Variants in LCK observed in about 807,000 individuals in gnomAD.
LCK encodes LCK proto-oncogene, Src family tyrosine kinase.
Under a neutral mutation model 64.6 loss-of-function variants are expected in LCK, and 14 were observed. The observed-to-expected ratio is 0.22, with a 90% CI of 0.14 to 0.34. The LOEUF is 0.34. Among genes scored for constraint, LCK ranks in the 10% least tolerant of loss-of-function variants. LCK has a pLI of 1.00. For missense variants in LCK, 434 were observed against 668.1 expected (o/e 0.65, Z 3.86); for synonymous variants, 277 against 263.6 (o/e 1.05, Z -0.49).
intron 1 of LCK, among the ~76,000 whole-genome samples, chr1:32,272,623 A>AAGAGAGAGAGAGAGAGAAAG (rs1557581382): frequency 0.015 from 1,855 of 121,406 alleles, 26 homozygotes; most frequent in African/African-American, 0.048. Context: ...GAGAGAGAGA[A>AAGAGAGAGAGAGAGAGAAAG]AGAGAGAGAG....
chr1:32,271,759 C>G (rs1014681337), intron 1 of LCK, among the ~76,000 whole-genome samples: 1 of 152,146 alleles, frequency 6.6e-6, no homozygotes, highest in South Asian at 2.1e-4. Context: ...ACTGCATGTT[C>G]CAGTTGACAT....
chr1:32,259,058 A>G (rs1240261394), intron 1 of LCK, among the ~76,000 whole-genome samples: 2 of 151,718 alleles, frequency 1.3e-5, no homozygotes, highest in African/African-American at 4.8e-5. Context: ...TTAAACAAAT[A>G]TGAAAAAGGA....
chr1:32,268,751 T>C (rs1639997331), intron 1 of LCK, among the ~76,000 whole-genome samples: 1 of 146,090 alleles, frequency 6.8e-6, no homozygotes, highest in Non-Finnish European at 1.5e-5. Flanking sequence ...AGGCAGAGGT[T>C]GCGGTGGGCC....
Position 32,276,079 on chromosome 1 carries a change from C to A in LCK, c.631+16C>A. ...CATTACACCAGTGAGCCCGACGGGACCCCTCCCCCGTGCCCTATCAGCCTA... is the reference window on the plus strand; with the variant it reads ...CATTACACCAGTGAGCCCGACGGGAACCCTCCCCCGTGCCCTATCAGCCTA... On this transcript the variant is annotated intron_variant, in intron 7 of 12. Coordinates refer to ENST00000336890, the MANE Select transcript of LCK (RefSeq NM_005356.5). The surrounding 1 kb of genome is among the most constrained non-coding windows in gnomAD (Gnocchi z 4.6). 6.2e-7 allele frequency: 1 copy of A among 1,613,484 alleles called. No individual in the cohort carries two copies. The highest frequency in any genetic ancestry group is 8.5e-7 in the Non-Finnish European group (1 of 1,179,862).
Position 32,275,289 on chromosome 1 carries a change from G to A in LCK, c.279-32G>A. 1 of 1,608,672 alleles carries A rather than the reference G, an allele frequency of 6.2e-7. No homozygotes were observed. The highest frequency in any genetic ancestry group is 8.5e-7 in the Non-Finnish European group (1 of 1,175,168). ...GGGAGGGTCTCAGGTCGACGGCTGA[G>A]CGAGCCACACTGACCCACCTCCGTG... On this transcript the variant is annotated intron_variant, in intron 4 of 12. Coordinates refer to ENST00000336890, the MANE Select transcript of LCK (RefSeq NM_005356.5). The surrounding 1 kb of genome is among the most constrained non-coding windows in gnomAD (Gnocchi z 6.9).
chr1:32,276,939 G>A lies in LCK; in HGVS notation c.964+153G>A, dbSNP rs536548237. ...CCTGGAGACTCACCTCCAGCCGGGCGCGGTGGCTCAGGCCTGTAATCCCAG... is the reference window on the plus strand; with the variant it reads ...CCTGGAGACTCACCTCCAGCCGGGCACGGTGGCTCAGGCCTGTAATCCCAG... On this transcript the variant is annotated intron_variant, in intron 9 of 12. Coordinates refer to ENST00000336890, the MANE Select transcript of LCK (RefSeq NM_005356.5). The surrounding 1 kb of genome is among the most constrained non-coding windows in gnomAD (Gnocchi z 4.6). 46 of 781,002 alleles carry A rather than the reference G, an allele frequency of 5.9e-5. No homozygotes were observed. The South Asian group carries it at 8.9e-4, about 15-fold the overall frequency. The allele number at this position is 781,002 out of a possible 1,614,324, so 48.4% of individuals were successfully genotyped here. A position where few individuals can be genotyped will look rare whatever the true frequency, so the allele number is the denominator to read the frequency against.
chr1:32,276,583 C>T lies in LCK; in HGVS notation c.785-24C>T. On this transcript the variant is annotated intron_variant, in intron 8 of 12. Coordinates refer to ENST00000336890, the MANE Select transcript of LCK (RefSeq NM_005356.5). The surrounding 1 kb of genome is among the most constrained non-coding windows in gnomAD (Gnocchi z 4.6). ...CAGGACAGCTGCCTGGCGACTTTCC[C>T]ACTCCTTCCCTTCCCCGACCCAGGG... 1 of 1,590,850 alleles carries T rather than the reference C, an allele frequency of 6.3e-7. No individual in the cohort carries two copies. The highest frequency in any genetic ancestry group is 8.6e-7 in the Non-Finnish European group (1 of 1,165,246).
At position 32,286,084 on chromosome 1, in the gene LCK, C is replaced by T. The variant is rs1640606529; in HGVS notation, c.*368C>T. 2.8e-6 allele frequency: 1 copy of T among 355,500 alleles called. No homozygotes were observed. The highest frequency in any genetic ancestry group is 4.0e-5 in the Admixed American group (1 of 24,998). 22.0% of individuals were successfully genotyped at this position (355,500 alleles called of 1,614,324 possible). On this transcript the variant is annotated 3_prime_UTR_variant, in exon 13 of 13. Coordinates refer to ENST00000336890, the MANE Select transcript of LCK (RefSeq NM_005356.5). ...AGTTCCTCAAGGGCCAGGACTTTAT[C>T]TAATACCTCTGTGTGCTCCTCCTTG...
intron 1 of LCK, among the ~76,000 whole-genome samples, chr1:32,260,194 G>A (rs1354790444): frequency 1.3e-5 from 2 of 152,042 alleles, no homozygotes; most frequent in Non-Finnish European, 2.9e-5. Context: ...TGTATTTTTA[G>A]TAGAGATGAG....
chr1:32,261,544 G>T (rs1454203883), intron 1 of LCK, among the ~76,000 whole-genome samples: 1 of 150,622 alleles, frequency 6.6e-6, no homozygotes, highest in Non-Finnish European at 1.5e-5. Flanking sequence ...TACTTGGGAG[G>T]CTGAGGCAGG....
In LCK at chr1:32,273,163, GT is replaced by G. The variant is rs199814642; in HGVS notation, c.-5-1161del. 6.9e-3 allele frequency among the ~76,000 whole-genome samples: 910 copies of G among 131,016 alleles called. 14 individuals are homozygous for G. The highest frequency in any genetic ancestry group is 0.024 in the African/African-American group (823 of 34,898). 86.0% of individuals were successfully genotyped at this position (131,016 alleles called of 152,430 possible). A position where few individuals can be genotyped will look rare whatever the true frequency, so the allele number is the denominator to read the frequency against. Reference sequence around the variant, plus strand: ...CTGTGTGTGGGGGGTGAGTGTGTGTGTGGGGGGGCACTTGTGGAGGGTGAGT... The same window carrying G: ...CTGTGTGTGGGGGGTGAGTGTGTGTGGGGGGGGCACTTGTGGAGGGTGAGT... On this transcript the variant is annotated intron_variant, in intron 1 of 12. Transcript: ENST00000336890.
At chr1:32,277,608 G>A (rs566036633) in intron 9 of LCK, among the ~76,000 whole-genome samples, 11 of 152,238 alleles carry the variant, frequency 7.2e-5, no homozygotes, top group Admixed American at 5.2e-4. Flanking sequence ...CCGATTTGCC[G>A]TGTGACAGGC....
At chr1:32,262,449 G>A (rs1362130024) in intron 1 of LCK, among the ~76,000 whole-genome samples, 1 of 148,546 alleles carries the variant, frequency 6.7e-6, no homozygotes, top group African/African-American at 2.5e-5. Context: ...TTTTGATGGA[G>A]TCTAGTTCTG....
At chr1:32,279,797 G>A (rs748339911) in intron 10 of LCK, 44 bp from the exon 11 acceptor site, 5 of 1,612,204 alleles carry the variant, frequency 3.1e-6, no homozygotes, top group East Asian at 4.5e-5. Flanking sequence ...CCAGTGACGT[G>A]AAGACATCTG....
At chr1:32,277,942 A>C (rs572040188) in intron 9 of LCK, among the ~76,000 whole-genome samples, 1 of 152,288 alleles carries the variant, frequency 6.6e-6, no homozygotes, top group East Asian at 1.9e-4. Flanking sequence ...TTGGGAGGCC[A>C]AGGTGGGTGG....
At chr1:32,263,109 A>C (rs1339098440) in intron 1 of LCK, among the ~76,000 whole-genome samples, 1 of 152,190 alleles carries the variant, frequency 6.6e-6, no homozygotes, top group Non-Finnish European at 1.5e-5. Context: ...AAAAGGCCAC[A>C]GGCCAGGTCT....
At chr1:32,265,383 A>G (rs896361721) in intron 1 of LCK, among the ~76,000 whole-genome samples, 1 of 152,196 alleles carries the variant, frequency 6.6e-6, no homozygotes, top group Non-Finnish European at 1.5e-5. Context: ...GCCTCTGACT[A>G]CAAACATTTC....
Position 32,279,941 on chromosome 1 carries a change from C to T in LCK, c.1142C>T (p.Ala381Val). The T allele has an allele frequency of 2.5e-6, 4 of 1,614,216 alleles. No homozygotes were observed. The highest frequency in any genetic ancestry group is 2.5e-6 in the Non-Finnish European group (3 of 1,180,048). The stretch of plus-strand genomic sequence containing the variant: ...TCTGACACCCTGAGCTGCAAGATTG[C>T]AGACTTTGGCCTAGCACGCCTCATT... ...LVSDTLSCKIADFGLARLIED... is the reference protein window; with the variant it reads ...LVSDTLSCKIVDFGLARLIED... The change falls in exon 11 of 13, where the codon GCA (alanine) becomes GTA (valine). Residue 381 changes from alanine (A) to valine (V), a missense_variant. This residue lies in a region of LCK where 201 missense variants were observed against 376.9 expected (regional missense o/e 0.53). Coordinates refer to ENST00000336890, the MANE Select transcript of LCK (RefSeq NM_005356.5).
At chr1:32,283,445 C>T (rs1478025502) in intron 12 of LCK, among the ~76,000 whole-genome samples, 2 of 152,178 alleles carry the variant, frequency 1.3e-5, no homozygotes, top group East Asian at 1.9e-4. Context: ...AGGTTTTGGT[C>T]TTTGGGAACT....
Sources: gnomAD v4.1 joint callset for allele counts (sites outside exome capture counted in the v4.1 genomes callset) on GRCh38, gnomAD v4.1.1 for gene constraint, gnomAD v4.1.1 regional missense constraint, Gnocchi (gnomAD v3.1) non-coding constraint, MANE v1.5 for transcripts, NCBI Gene and HGNC (gene_info 2026-07-23, HGNC 2026-07-21) for gene names.